The following NUP210 variants were observed in gnomAD, a reference collection of about 807,000 sequenced individuals.
The protein encoded by NUP210 is nuclear pore membrane glycoprotein 210.
In NUP210, 151 loss-of-function variants were observed where a neutral mutation model predicts 196.0. That is an observed-to-expected ratio of 0.77 (90% CI 0.67 to 0.88). The LOEUF (loss-of-function observed/expected upper bound fraction) is 0.88. NUP210 is among the 40% of genes least tolerant of loss of function. The pLI is 0.00. For synonymous variants in NUP210, 1,070 were observed against 1,052.7 expected, an observed-to-expected ratio of 1.02 and a Z score of -0.32; for missense variants, 2,314 against 2,493.7, an observed-to-expected ratio of 0.93 and a Z score of 1.53.
chr3:13,343,121 C>T, intron 21 of NUP210, 54 bp downstream of exon 21: 2 of 1,605,132 alleles, frequency 1.2e-6, no homozygotes, highest in East Asian at 2.2e-5. Flanking sequence ...AGTCCCCTCC[C>T]TCCCAGTTCC....
rs375457849 is a variant in NUP210 at position 13,323,320 on chromosome 3, G to T, written c.4757C>A (p.Ser1586Tyr). 2 of 1,614,154 alleles carry T rather than the reference G, an allele frequency of 1.2e-6. No individual in the cohort carries two copies. Among genetic ancestry groups the T allele is most frequent in the Non-Finnish European group, 1.7e-6 (2 of 1,180,018 alleles). The change falls in exon 34 of 40, where the codon TCT becomes TAT. Residue 1586 changes from serine (S) to tyrosine (Y), a missense_variant. By Grantham distance (144) the Ser-to-Tyr change is moderately radical. Coordinates refer to ENST00000254508, the MANE Select transcript of NUP210 (RefSeq NM_024923.4). This position sits in a 1 kb window ranked among gnomAD's most constrained non-coding sequence, Gnocchi z 4.3. Reference sequence around the variant, plus strand: ...CCCTCATTAAGTACCTCTCAGGTTAGAGCTTCTGTCTCCCACGGCAACAAT... The same window carrying T: ...CCCTCATTAAGTACCTCTCAGGTTATAGCTTCTGTCTCCCACGGCAACAAT... ...KVIVAVGDRS[S>Y]NLRGECTPTQ...
At chr3:13,336,761 G>A in intron 27 of NUP210, 26 bp downstream of exon 27, 2 of 1,608,728 alleles carry the variant, frequency 1.2e-6, no homozygotes, top group Non-Finnish European at 8.5e-7. Context: ...GGTGGGAGGT[G>A]AGCTCTGGAG....
chr3:13,342,694 C>G (rs921639692), intron 21 of NUP210, among the ~76,000 whole-genome samples: 2 of 152,198 alleles, frequency 1.3e-5, no homozygotes, highest in Non-Finnish European at 2.9e-5. Flanking sequence ...CCTCAGATAT[C>G]TGGAGTAATA....
chr3:13,386,193 G>T, intron 6 of NUP210, 82 bp downstream of exon 6: 2 of 1,496,472 alleles, frequency 1.3e-6, no homozygotes, highest in Non-Finnish European at 1.8e-6. Context: ...GGTTAAGATG[G>T]TAAATTTTGT....
intron 1 of NUP210, among the ~76,000 whole-genome samples, chr3:13,412,343 T>C (rs113258091): frequency 0.12 from 17,773 of 149,814 alleles, 1,566 homozygotes; most frequent in African/African-American, 0.25. Flanking sequence ...GCTGGGATTA[T>C]AGGCATGAGC....
At chr3:13,368,245 T>G (rs536519027) in intron 13 of NUP210, among the ~76,000 whole-genome samples, 23 of 152,036 alleles carry the variant, frequency 1.5e-4, no homozygotes, top group Non-Finnish European at 2.5e-4. Flanking sequence ...CAGGATAGTT[T>G]TTTCATTTTT....
rs750763068 is a variant in NUP210 at position 13,386,411 on chromosome 3, G to A, written c.685-4C>T. ...TGACTTCTGCAGGGCGTACATTCTT[G>A]GCATAAAGAAAAGGCAGACAAAGTG... On this transcript the variant is annotated splice_polypyrimidine_tract_variant and splice_region_variant and intron_variant, in intron 5 of 39. Transcript: ENST00000254508. 5 of 1,613,922 alleles carry A rather than the reference G, an allele frequency of 3.1e-6. No individual in the cohort carries two copies. The highest frequency in any genetic ancestry group is 4.5e-5 in the East Asian group (2 of 44,882).
chr3:13,414,110 G>T (rs1287724116), intron 1 of NUP210, among the ~76,000 whole-genome samples: 1 of 152,232 alleles, frequency 6.6e-6, no homozygotes, highest in Non-Finnish European at 1.5e-5. Flanking sequence ...GGAACTCAGG[G>T]ACCTGGGTCA....
At position 13,335,496 on chromosome 3, in the gene NUP210, C is replaced by T; in HGVS notation, c.3801G>A (p.Leu1267=). 23 of 1,614,134 alleles carry T rather than the reference C, an allele frequency of 1.4e-5. No individual in the cohort carries two copies. The highest frequency in any genetic ancestry group is 1.9e-5 in the Non-Finnish European group (23 of 1,180,042). Residue 1267 remains leucine (L), a synonymous_variant, in exon 28 of 40, where the codon CTG becomes CTA. Coordinates refer to ENST00000254508, the MANE Select transcript of NUP210 (RefSeq NM_024923.4). ...CCGAGAGTTCTCTGGCCAGGCCATA[C>T]AGCTGCCCCGATGTGGGGTCCACAG... ...VKAVDPTSGQ[L]YGLARELSDE... is the part of the protein sequence containing the mutation.
At chr3:13,332,880 C>A (rs566170231) in intron 28 of NUP210, among the ~76,000 whole-genome samples, 1 of 152,230 alleles carries the variant, frequency 6.6e-6, no homozygotes, top group East Asian at 1.9e-4. Flanking sequence ...AGGATGTGAG[C>A]GCGGAGGGCA....
rs763268386 is a variant in NUP210 at position 13,343,223 on chromosome 3, G to A, written c.2916C>T (p.Val972=). ...GCTCCTGAATGTCCGACACGTAAAC[G>A]ACAGCCTTGGCTGGGGCCGGGAAGA... is the stretch of plus-strand genomic sequence containing the variant. ...CLVFPAPAKA[V]VYVSDIQELY... The change falls in exon 21 of 40, where the codon GTC becomes GTT. Residue 972 remains valine (V), a synonymous_variant. Coordinates refer to ENST00000254508, the MANE Select transcript of NUP210 (RefSeq NM_024923.4). 2.0e-5 allele frequency: 32 copies of A among 1,612,700 alleles called. No individual in the cohort carries two copies. The highest frequency in any genetic ancestry group is 2.7e-5 in the African/African-American group (2 of 74,962).
chr3:13,417,454 C>A (rs993402409), intron 1 of NUP210, among the ~76,000 whole-genome samples: 2 of 152,208 alleles, frequency 1.3e-5, no homozygotes, highest in Non-Finnish European at 2.9e-5. Flanking sequence ...TGGCAGAATT[C>A]TCATTTTCTT....
chr3:13,383,191 T>C (rs985872673), intron 6 of NUP210, among the ~76,000 whole-genome samples: 5 of 152,162 alleles, frequency 3.3e-5, no homozygotes, highest in African/African-American at 1.2e-4. Context: ...GAGTTTCCAT[T>C]GGTGTGTCTT....
At position 13,420,231 on chromosome 3, in the gene NUP210, G is replaced by C; in HGVS notation, c.-5C>G. On this transcript the variant is annotated 5_prime_UTR_variant, in exon 1 of 40. Coordinates refer to ENST00000254508, the MANE Select transcript of NUP210 (RefSeq NM_024923.4). The surrounding 1 kb of genome is among the most constrained non-coding windows in gnomAD (Gnocchi z 4.8). ...CCCCCGGCCCCGCGCCGCCATCCTC[G>C]CCGCGCGTCACCTCCCGCGACCCTG... is the stretch of plus-strand genomic sequence containing the variant. 8.9e-7 allele frequency: 1 copy of C among 1,117,602 alleles called. No homozygotes were observed. Among genetic ancestry groups the C allele is most frequent in the Non-Finnish European group, 1.1e-6 (1 of 912,468 alleles). 69.2% of individuals were successfully genotyped at this position (1,117,602 alleles called of 1,614,324 possible).
At position 13,340,753 on chromosome 3, in the gene NUP210, C is replaced by A; in HGVS notation, c.3229-455G>T. ...ACAGCCCTGCCGATATGGGAGCACC[C>A]AGACCCCCAGAGGTTGCTCTTCTAG... On this transcript the variant is annotated intron_variant, in intron 23 of 39. Transcript: ENST00000254508. This position sits in a 1 kb window ranked among gnomAD's most constrained non-coding sequence, Gnocchi z 4.0. Among the ~76,000 whole-genome samples the A allele has an allele frequency of 6.6e-6, 1 of 152,094 alleles. No homozygotes were observed. The highest frequency in any genetic ancestry group is 1.9e-4 in the East Asian group (1 of 5,162).
rs552971755 is a variant in NUP210, at chr3:13,384,340, G to A, written c.817+1935C>T. Among the ~76,000 whole-genome samples the A allele has an allele frequency of 2.8e-4, 42 of 152,324 alleles. No individual in the cohort carries two copies. In the South Asian group the frequency reaches 8.7e-3, roughly 32 times the overall value. On this transcript the variant is annotated intron_variant, in intron 6 of 39. Transcript: ENST00000254508. Reference sequence around the variant, plus strand: ...GAGGGAAATTCCAATTGATCCTACAGGGGTGATTAAGGCCAAGGAGTCCAA... The same window carrying A: ...GAGGGAAATTCCAATTGATCCTACAAGGGTGATTAAGGCCAAGGAGTCCAA...
At chr3:13,339,528 C>T (rs946263368) in intron 25 of NUP210, among the ~76,000 whole-genome samples, 1 of 152,242 alleles carries the variant, frequency 6.6e-6, no homozygotes, top group Admixed American at 6.5e-5. Context: ...AGGCAAAGTG[C>T]TCAGAGCAGC....
chr3:13,354,506 C>A, intron 16 of NUP210: 1 of 176,658 alleles, frequency 5.7e-6, no homozygotes, highest in Non-Finnish European at 1.2e-5. Context: ...GTCAACAGTG[C>A]TGAAGCTGGG....
Position 13,390,644 on chromosome 3 carries a change from G to A in NUP210, c.533+567C>T, listed in dbSNP as rs375243086. Among the ~76,000 whole-genome samples, 7 of 152,338 alleles carry A rather than the reference G, an allele frequency of 4.6e-5. No individual in the cohort carries two copies. In the East Asian group the frequency reaches 1.2e-3, roughly 25 times the overall value. On this transcript the variant is annotated intron_variant, in intron 4 of 39. Transcript: ENST00000254508. ...CAGACTCCAGCTCTGTCCTCCCGGA[G>A]CTCAGACAAGCGGCTCGGCCTCTCC...
Sources: allele counts gnomAD v4.1 joint callset (sites outside exome capture counted in the v4.1 genomes callset), GRCh38; gene constraint gnomAD v4.1.1; non-coding constraint Gnocchi (gnomAD v3.1); transcripts MANE v1.5; gene names NCBI Gene and HGNC (gene_info 2026-07-23, HGNC 2026-07-21).